SFT2D1: variants seen among roughly 807,000 people sequenced by gnomAD.
The protein encoded by SFT2D1 is vesicle transport protein SFT2A.
SFT2D1 carries 24 observed loss-of-function variants against 28.1 expected under a neutral mutation model. The ratio of observed to expected loss-of-function variants is 0.85; its 90% CI spans 0.62 to 1.20. SFT2D1 has a LOEUF of 1.20. SFT2D1 is among the 50% of genes most tolerant of loss of function. The pLI, the probability that SFT2D1 is intolerant of heterozygous loss-of-function variation, is 0.00. For missense variants in SFT2D1, 181 were observed against 190.9 expected (o/e 0.95, Z 0.31); for synonymous variants, 82 against 73.7 (o/e 1.11, Z -0.58).
intron 7 of SFT2D1, among the ~76,000 whole-genome samples, chr6:166,322,628 T>A (rs1230093261): frequency 6.8e-6 from 1 of 146,594 alleles, no homozygotes; most frequent in Admixed American, 6.9e-5. Flanking sequence ...GAGGCAGAGA[T>A]TACAGTGAGC....
chr6:166,323,100 T>C, intron 6 of SFT2D1: 1 of 453,752 alleles, frequency 2.2e-6, no homozygotes, highest in African/African-American at 2.0e-5. Flanking sequence ...AATCACAAGC[T>C]TGCTTTAACA....
chr6:166,323,205 T>C (rs1778388289), intron 6 of SFT2D1: 1 of 253,806 alleles, frequency 3.9e-6, no homozygotes, highest in East Asian at 7.7e-5. Flanking sequence ...CCACAACTGA[T>C]AATTATAGTC....
At chr6:166,323,021 C>T (rs1280713847) in intron 6 of SFT2D1, 135 bp from the exon 7 acceptor site, 1 of 649,252 alleles carries the variant, frequency 1.5e-6, no homozygotes, top group Non-Finnish European at 2.7e-6. Context: ...TGACCCCGAC[C>T]AGCAGTGAGA....
chr6:166,333,916 C>A (rs10806848), intron 1 of SFT2D1, among the ~76,000 whole-genome samples: 76,257 of 143,694 alleles, frequency 0.53, 19,305 homozygotes, highest in East Asian at 0.63. Flanking sequence ...ACCACCAAAC[C>A]ACCAAACACA....
chr6:166,332,337 C>A (rs565179805), intron 1 of SFT2D1, among the ~76,000 whole-genome samples: 1 of 152,284 alleles, frequency 6.6e-6, no homozygotes, highest in Admixed American at 6.5e-5. Flanking sequence ...TCAATGCAAC[C>A]TCCGCCTCCC....
chr6:166,336,336 G>A (rs1193709483), intron 1 of SFT2D1, among the ~76,000 whole-genome samples: 1 of 152,172 alleles, frequency 6.6e-6, no homozygotes, highest in Non-Finnish European at 1.5e-5. Flanking sequence ...AGAATTATTA[G>A]TTATAAAAAT....
chr6:166,321,781 T>G (rs2114887949), intron 7 of SFT2D1, among the ~76,000 whole-genome samples: 1 of 152,374 alleles, frequency 6.6e-6, no homozygotes, highest in East Asian at 1.9e-4. Flanking sequence ...TAAATACATT[T>G]CTCTGGAAAA....
At chr6:166,342,043 G>C (rs1778791658) in intron 1 of SFT2D1, among the ~76,000 whole-genome samples, 1 of 152,146 alleles carries the variant, frequency 6.6e-6, no homozygotes, top group South Asian at 2.1e-4. Flanking sequence ...GCAGCTTGCA[G>C]GATAAATGCC....
chr6:166,324,739 C>T (rs1004264439), intron 5 of SFT2D1, 144 bp from the exon 6 acceptor site: 11 of 761,328 alleles, frequency 1.4e-5, no homozygotes, highest in Admixed American at 3.4e-5. Context: ...ATTTAAGATA[C>T]AGTTGATCTG....
intron 1 of SFT2D1, 88 bp downstream of exon 1, chr6:166,342,331 C>T (rs1225813584): frequency 1.6e-6 from 2 of 1,272,618 alleles, no homozygotes; most frequent in Non-Finnish European, 2.1e-6. Flanking sequence ...CCCCCGGCCT[C>T]GCACCCACCC....
intron 2 of SFT2D1, 95 bp from the exon 3 acceptor site, chr6:166,329,684 T>G: frequency 1.1e-6 from 1 of 945,964 alleles, no homozygotes; most frequent in Non-Finnish European, 1.6e-6. Flanking sequence ...ACCAATATTA[T>G]GTAATATGTT....
At chr6:166,335,132 C>CT in intron 1 of SFT2D1, 1 of 600,908 alleles carries the variant, frequency 1.7e-6, no homozygotes, top group Non-Finnish European at 3.2e-6. Flanking sequence ...CAAGAGATGG[C>CT]TAGTGCTTTA....
In SFT2D1 at chr6:166,325,995, C is replaced by A. The variant is rs531237356; in HGVS notation, c.351+137G>T. 74 of 857,560 alleles carry A rather than the reference C, an allele frequency of 8.6e-5. No individual in the cohort carries two copies. In the Admixed American group the frequency reaches 1.2e-3, roughly 14 times the overall value. 53.1% of individuals were successfully genotyped at this position (857,560 alleles called of 1,614,324 possible). ...AGCAACTAGCTGGATGGTAACATGT[C>A]AAATTTTAGGAACACCTAATCTTTA... is the stretch of plus-strand genomic sequence containing the variant. On this transcript the variant is annotated intron_variant, in intron 5 of 7. Transcript: ENST00000361731.
At chr6:166,331,906 C>G (rs6927168) in intron 1 of SFT2D1, among the ~76,000 whole-genome samples, 116,854 of 152,154 alleles carry the variant, frequency 0.77, 45,078 homozygotes, top group East Asian at 0.93. Flanking sequence ...TCCTTCTTTT[C>G]CAAGTTCAAA....
intron 1 of SFT2D1, chr6:166,335,340 C>A: frequency 3.5e-6 from 2 of 577,278 alleles, no homozygotes; most frequent in South Asian, 1.4e-5. Context: ...GGAATCAATT[C>A]TGGAGGTGGC....
rs762923319 is a variant in SFT2D1 at position 166,326,148 on chromosome 6, A to G, written c.335T>C (p.Leu112Pro). The G allele has an allele frequency of 3.1e-6, 5 of 1,613,766 alleles. No individual in the cohort carries two copies. In the African/African-American group the frequency reaches 6.7e-5, roughly 22 times the overall value. ...IVMLLCFIFT[L>P]CAALWWHKKG... is the part of the protein sequence containing the mutation. ...ATAACTTACCCAAAGAGCAGCACAC[A>G]GGGTAAATATGAAACACAACTACAG... The change falls in exon 5 of 8, where the codon CTG (leucine) becomes CCG (proline). Residue 112 changes from leucine (L) to proline (P), a missense_variant. Physicochemically the swap from Leu to Pro is moderately conservative, Grantham distance 98. Coordinates refer to ENST00000361731, the MANE Select transcript of SFT2D1 (RefSeq NM_145169.3).
At chr6:166,337,584 TA>T (rs1251125914) in intron 1 of SFT2D1, among the ~76,000 whole-genome samples, 2 of 151,918 alleles carry the variant, frequency 1.3e-5, no homozygotes, top group Admixed American at 6.6e-5. Context: ...ACACTCCCCC[TA>T]ACCACCTCAC....
chr6:166,335,506 C>CG, intron 1 of SFT2D1: 1 of 492,630 alleles, frequency 2.0e-6, no homozygotes, highest in Admixed American at 2.2e-5. Flanking sequence ...AAGGTGGCTA[C>CG]GGTGGTTCCA....
At chr6:166,326,238 T>C in intron 4 of SFT2D1, 71 bp from the exon 5 acceptor site, 1 of 1,317,704 alleles carries the variant, frequency 7.6e-7, no homozygotes, top group Non-Finnish European at 1.1e-6. Flanking sequence ...GCATAAACTA[T>C]TCTGCATTCA....
Sources: allele counts gnomAD v4.1 joint callset (sites outside exome capture counted in the v4.1 genomes callset), GRCh38; gene constraint gnomAD v4.1.1; transcripts MANE v1.5; gene names NCBI Gene and HGNC (gene_info 2026-07-23, HGNC 2026-07-21).